Variants in EVPL observed in about 807,000 individuals in gnomAD.
The protein encoded by EVPL is envoplakin.
A neutral mutation model predicts 129.7 loss-of-function variants in EVPL; 94 were observed. The observed-to-expected ratio is 0.72, with a 90% CI of 0.61 to 0.86. EVPL has a LOEUF of 0.86. Ranked by LOEUF, EVPL falls within the 40% of genes least tolerant of loss-of-function variation. EVPL has a pLI of 0.00. For missense variants in EVPL, 2,625 were observed against 2,721.1 expected (o/e 0.96, Z 0.79); for synonymous variants, 1,172 against 1,191.1 (o/e 0.98, Z 0.33).
chr17:76,016,617 AAAT>A (rs889292365), intron 14 of EVPL, among the ~76,000 whole-genome samples: 2 of 151,924 alleles, frequency 1.3e-5, no homozygotes, highest in Non-Finnish European at 2.9e-5. Context: ...CCCCGTCTCA[AAAT>A]AATAATAATA....
chr17:76,023,165 GTC>G (rs1371455883), intron 4 of EVPL, 125 bp downstream of exon 4: 65 of 1,490,100 alleles, frequency 4.4e-5, no homozygotes, highest in Non-Finnish European at 1.4e-5. Flanking sequence ...CTACTCTGCT[GTC>G]TCTCTGCCCA....
chr17:76,025,840 CCCAATCCA>C (rs1314785387), intron 1 of EVPL, among the ~76,000 whole-genome samples: 1 of 152,204 alleles, frequency 6.6e-6, no homozygotes, highest in East Asian at 1.9e-4. Flanking sequence ...AAGAACACCG[CCCAATCCA>C]TCCACAGATT....
chr17:76,012,118 GC>G, intron 18 of EVPL, 29 bp from the exon 19 acceptor site: 1 of 1,549,772 alleles, frequency 6.5e-7, no homozygotes, highest in Non-Finnish European at 8.8e-7. Context: ...GAGTCAGGAG[GC>G]CAGGAAATGC....
rs542003180 is a variant in EVPL at position 76,007,793 on chromosome 17, C to T, written c.5412G>A (p.Pro1804=). ...SIISKSPLAS[P]APQSTSFFSP... ...AGAAGAAACTGGTGCTCTGGGGGGC[C>T]GGGGAGGCGAGCGGGGACTTGGAGA... Residue 1804 remains proline (P), a synonymous_variant, in exon 22 of 22, where the codon CCG becomes CCA. Coordinates refer to ENST00000301607, the MANE Select transcript of EVPL (RefSeq NM_001988.4). The surrounding 1 kb of genome is among the most constrained non-coding windows in gnomAD (Gnocchi z 8.8). 8.9e-5 allele frequency: 144 copies of T among 1,611,276 alleles called. 3 individuals carry two copies. The South Asian group carries it at 1.4e-3, about 16-fold the overall frequency.
In EVPL at chr17:76,008,752, G is replaced by C. The variant is rs763049808; in HGVS notation, c.4453C>G (p.Leu1485Val). The C allele has an allele frequency of 9.3e-6, 15 of 1,614,166 alleles. No homozygotes were observed. In the South Asian group the frequency reaches 1.6e-4, roughly 18 times the overall value. ...EKSTEALRWD[L>V]DQEKTQVTEL... is the part of the protein sequence containing the mutation. ...GTTACCTGGGTCTTCTCCTGGTCCA[G>C]GTCCCACCGCAGGGCTTCCGTGGAC... The change falls in exon 22 of 22, where the codon CTG becomes GTG. Residue 1485 changes from leucine to valine, a missense_variant. Physicochemically the swap from Leu to Val is conservative, Grantham distance 32 (BLOSUM62 1). Around this residue, in one of 4 missense-constraint regions of EVPL, gnomAD observed 1,453 missense variants for 1,511.8 expected, o/e 0.96. Coordinates refer to ENST00000301607, the MANE Select transcript of EVPL (RefSeq NM_001988.4). The surrounding 1 kb of genome is among the most constrained non-coding windows in gnomAD (Gnocchi z 7.4).
Position 76,021,985 on chromosome 17 carries a change from G to C in EVPL, c.689C>G (p.Thr230Arg), listed in dbSNP as rs1274213185. 6.4e-7 allele frequency: 1 copy of C among 1,566,268 alleles called. No homozygotes were observed. The highest frequency in any genetic ancestry group is 1.8e-5 in the Admixed American group (1 of 54,868). ...WRGQSLGSLYTHLQGCTRQLS... is the reference protein window; with the variant it reads ...WRGQSLGSLYRHLQGCTRQLS... Reference sequence around the variant, plus strand: ...CTGCCGCGTGCAGCCCTGGAGGTGCGTGTACAGGCTGCCCAGGCTCTGCCC... The same window carrying C: ...CTGCCGCGTGCAGCCCTGGAGGTGCCTGTACAGGCTGCCCAGGCTCTGCCC... The change falls in exon 7 of 22, where the codon ACG becomes AGG. Residue 230 changes from threonine (T) to arginine (R), a missense_variant. Physicochemically the swap from Thr to Arg is moderately conservative, Grantham distance 71. Transcript: ENST00000301607.
chr17:76,020,632 A>G (rs1170773469), intron 9 of EVPL, among the ~76,000 whole-genome samples: 1 of 146,760 alleles, frequency 6.8e-6, no homozygotes, highest in Admixed American at 6.8e-5. Context: ...TTTCATTATT[A>G]TTCTCCTAAA....
Position 76,019,566 on chromosome 17 carries a change from G to T in EVPL, c.1099C>A (p.Pro367Thr). 1.3e-6 allele frequency: 2 copies of T among 1,578,368 alleles called. No individual in the cohort carries two copies. Among genetic ancestry groups the T allele is most frequent in the African/African-American group, 1.4e-5 (1 of 72,824 alleles). Residue 367 changes from proline to threonine, a missense_variant, in exon 10 of 22, where the codon CCC (proline) becomes ACC (threonine). Pro to Thr is a conservative substitution (Grantham distance 38). Around this residue, in one of 4 missense-constraint regions of EVPL, gnomAD observed 1,024 missense variants for 997.5 expected, o/e 1.03. Transcript: ENST00000301607. The part of the protein sequence containing the change: ...DAKYSPAPGG[P>T]PGAPTELLQQ... ...AGCAGCTCTGTGGGGGCGCCAGGGG[G>T]GCCCCCAGGTGCAGGGCTGTACTTG...
chr17:76,027,189 C>T lies in EVPL; in HGVS notation c.10G>A (p.Gly4Arg), dbSNP rs1423703122. Residue 4 changes from glycine to arginine, a missense_variant, in exon 1 of 22, where the codon GGG becomes AGG. Around this residue, in one of 4 missense-constraint regions of EVPL, gnomAD observed 139 missense variants for 186.8 expected, o/e 0.74. Coordinates refer to ENST00000301607, the MANE Select transcript of EVPL (RefSeq NM_001988.4). ...TTCCCCTGGGAGCCTTTGCTCAGCC[C>T]CTTGAACATGGTCGTAAAGGCAAGT... The part of the protein sequence containing the change: MFK[G>R]LSKGSQGKGS... The T allele has an allele frequency of 6.2e-7, 1 of 1,603,812 alleles. No individual in the cohort carries two copies. The highest frequency in any genetic ancestry group is 8.5e-7 in the Non-Finnish European group (1 of 1,176,220).
intron 14 of EVPL, 98 bp from the exon 15 acceptor site, chr17:76,015,726 G>A (rs930346815): frequency 3.1e-6 from 4 of 1,280,570 alleles, no homozygotes; most frequent in African/African-American, 1.5e-5. Context: ...GCAGTAGAGT[G>A]TGGTGGGTAC....
intron 9 of EVPL, among the ~76,000 whole-genome samples, chr17:76,020,210 A>G (rs1248601594): frequency 6.6e-6 from 1 of 152,190 alleles, no homozygotes; most frequent in African/African-American, 2.4e-5. Context: ...CTAAACCTAA[A>G]CTGTCACTCT....
rs1216479945 is a variant in EVPL, at chr17:76,013,863, G to A, written c.2373+563C>T. Among the ~76,000 whole-genome samples the A allele has an allele frequency of 6.6e-6, 1 of 152,182 alleles. No individual in the cohort carries two copies. The highest frequency in any genetic ancestry group is 2.4e-5 in the African/African-American group (1 of 41,448). On this transcript the variant is annotated intron_variant, in intron 18 of 21. Coordinates refer to ENST00000301607, the MANE Select transcript of EVPL (RefSeq NM_001988.4). The surrounding 1 kb of genome is among the most constrained non-coding windows in gnomAD (Gnocchi z 4.3). ...GCTTCTGGGGGCTGCAGGAGAGAGT[G>A]CAGCCTGGGTCCTGTGCCGGAAGGG...
At position 76,006,925 on chromosome 17, in the gene EVPL, G is replaced by A. The variant is rs1479441860; in HGVS notation, c.*178C>T. 1 of 605,894 alleles carries A rather than the reference G, an allele frequency of 1.7e-6. No homozygotes were observed. Among genetic ancestry groups the A allele is most frequent in the African/African-American group, 1.9e-5 (1 of 52,822 alleles). 37.5% of individuals were successfully genotyped at this position (605,894 alleles called of 1,614,324 possible). A position where few individuals can be genotyped will look rare whatever the true frequency, so the allele number is the denominator to read the frequency against. On this transcript the variant is annotated 3_prime_UTR_variant, in exon 22 of 22. Transcript: ENST00000301607. Reference sequence around the variant, plus strand: ...CTGAGTGGCTGCTGTCCTGGTCTGGGGATGGATCAGGCACCAAGGTTAGGG... The same window carrying A: ...CTGAGTGGCTGCTGTCCTGGTCTGGAGATGGATCAGGCACCAAGGTTAGGG...
Position 76,018,140 on chromosome 17 carries a change from T to C in EVPL, c.1537+21A>G, listed in dbSNP as rs1474053277. 4.5e-6 allele frequency: 7 copies of C among 1,550,508 alleles called. No homozygotes were observed. The Admixed American group carries it at 1.4e-4, about 30-fold the overall frequency. On this transcript the variant is annotated intron_variant, in intron 13 of 21. Transcript: ENST00000301607. ...CTCCTTCTAGCCCCACAGCCACCTC[T>C]CCCCGGGCCACCCTGGGTACCCTGC...
rs925977760 is a variant in EVPL at position 76,017,973 on chromosome 17, C to T, written c.1538-62G>A. The stretch of plus-strand genomic sequence containing the variant: ...TCTCCAGACTGCCAGATAGGTGCCC[C>T]CACCAGGTGCCCACAGAGGGTCCTG... On this transcript the variant is annotated intron_variant, in intron 13 of 21. Coordinates refer to ENST00000301607, the MANE Select transcript of EVPL (RefSeq NM_001988.4). 57 of 1,597,330 alleles carry T rather than the reference C, an allele frequency of 3.6e-5. 1 individual carries two copies. The highest frequency in any genetic ancestry group is 4.8e-5 in the Non-Finnish European group (56 of 1,170,830).
intron 14 of EVPL, among the ~76,000 whole-genome samples, chr17:76,017,367 C>A (rs913244087): frequency 2.0e-5 from 3 of 152,178 alleles, no homozygotes; most frequent in Non-Finnish European, 4.4e-5. Flanking sequence ...CTCCCCCTTG[C>A]AGCCAGGGGA....
intron 1 of EVPL, among the ~76,000 whole-genome samples, chr17:76,025,294 G>T (rs974047706): frequency 6.6e-6 from 1 of 152,220 alleles, no homozygotes; most frequent in African/African-American, 2.4e-5. Flanking sequence ...CCCATTAGAG[G>T]GCTAGTGCCT....
chr17:76,016,983 T>C (rs1235429131), intron 14 of EVPL, among the ~76,000 whole-genome samples: 1 of 151,218 alleles, frequency 6.6e-6, no homozygotes, highest in African/African-American at 2.4e-5. Context: ...GAGGCCGAGA[T>C]GGGTGGATCA....
chr17:76,018,948 T>A lies in EVPL; in HGVS notation c.1250A>T (p.His417Leu). Residue 417 changes from histidine (H) to leucine (L), a missense_variant, in exon 11 of 22, where the codon CAC (histidine) becomes CTC (leucine). By Grantham distance (99) the His-to-Leu change is moderately conservative. Transcript: ENST00000301607. ...QRRNPPQQPL[H>L]VDSICDWDSG... ...GTCCCAGTCGCAGATGCTGTCCACG[T>A]GCAGGGGCTGCTGAGGGGGGTTTCT... is the stretch of plus-strand genomic sequence containing the variant. 6.4e-7 allele frequency: 1 copy of A among 1,555,192 alleles called. No homozygotes were observed. Among genetic ancestry groups the A allele is most frequent in the Non-Finnish European group, 8.7e-7 (1 of 1,154,924 alleles).
Sources: allele counts gnomAD v4.1 joint callset (sites outside exome capture counted in the v4.1 genomes callset), GRCh38; gene constraint gnomAD v4.1.1; regional missense constraint gnomAD v4.1.1; non-coding constraint Gnocchi (gnomAD v3.1); transcripts MANE v1.5; gene names NCBI Gene and HGNC (gene_info 2026-07-23, HGNC 2026-07-21).